Variants in TMEM164 observed in about 807,000 individuals in gnomAD.
The protein encoded by TMEM164 is transmembrane protein 164, also known as RP13-360B22.2.
In TMEM164, 4 loss-of-function variants were observed where a neutral mutation model predicts 18.8. The observed-to-expected ratio is 0.21, with a 90% confidence interval of 0.10 to 0.49. The LOEUF (loss-of-function observed/expected upper bound fraction) is 0.49, where lower values mean the gene tolerates loss of function less well. Among genes scored for constraint, TMEM164 ranks in the 20% least tolerant of loss-of-function variants. TMEM164 has a pLI of 0.98. For missense variants in TMEM164, 108 were observed against 239.9 expected, an observed-to-expected ratio of 0.45 and a Z score of 3.63; for synonymous variants, 86 against 101.7, an observed-to-expected ratio of 0.85 and a Z score of 0.93.
At chrX:110,054,350 A>G (rs751796761) in intron 2 of TMEM164, among the ~76,000 whole-genome samples, 2 of 112,354 alleles carry the variant, frequency 1.8e-5, no homozygotes, top group South Asian at 7.4e-4. Flanking sequence ...ATAAGTGATT[A>G]GTGTATAAGT....
At chrX:110,006,139 T>C (rs913883147) in intron 2 of TMEM164, among the ~76,000 whole-genome samples, 1 of 111,734 alleles carries the variant, frequency 8.9e-6, no homozygotes, top group African/African-American at 3.3e-5. Context: ...TGACAGTCTA[T>C]GTGATTCTTG....
intron 4 of TMEM164, among the ~76,000 whole-genome samples, chrX:110,117,874 A>G (rs1317228196): frequency 8.9e-6 from 1 of 111,894 alleles, no homozygotes; most frequent in African/African-American, 3.3e-5. Context: ...TTTGGGTTCC[A>G]GCTTCTTACA....
intron 5 of TMEM164, among the ~76,000 whole-genome samples, chrX:110,160,768 T>A (rs1412498711): frequency 8.9e-6 from 1 of 111,842 alleles, no homozygotes. Flanking sequence ...TGAGACAGAG[T>A]CTTGCTCCGT....
chrX:110,143,804 GGTGTGTGT>G (rs759024255), intron 4 of TMEM164, among the ~76,000 whole-genome samples: 3 of 103,051 alleles, frequency 2.9e-5, no homozygotes, highest in Admixed American at 1.0e-4. Flanking sequence ...CATACTTTGG[GGTGTGTGT>G]GTGTGTGTGT....
chrX:110,112,814 A>G (rs1029931962), intron 4 of TMEM164, among the ~76,000 whole-genome samples: 7 of 111,493 alleles, frequency 6.3e-5, no homozygotes, highest in Non-Finnish European at 1.3e-4. Context: ...TTATAAGGAC[A>G]CACATCTGAT....
At chrX:110,030,399 C>T (rs1328811673) in intron 2 of TMEM164, among the ~76,000 whole-genome samples, 24 of 107,512 alleles carry the variant, frequency 2.2e-4, no homozygotes, top group Non-Finnish European at 4.2e-4. Context: ...GGATTATGGG[C>T]ATGAGCCATC....
In TMEM164 at chrX:110,155,620, G is replaced by A. The variant is rs138657654; in HGVS notation, c.586+10744G>A. ...ACCCCTGTCCGACTGTGGGCTCTCA[G>A]CCTCTGTTACCAGGACTACTTTGCT... On this transcript the variant is annotated intron_variant, in intron 5 of 6. Coordinates refer to ENST00000372068, the MANE Select transcript of TMEM164 (RefSeq NM_032227.4). Among the ~76,000 whole-genome samples the A allele has an allele frequency of 3.5e-3, 384 of 111,206 alleles. 2 individuals are homozygous for A. Among genetic ancestry groups the A allele is most frequent in the African/African-American group, 0.011 (343 of 30,573 alleles).
At chrX:110,122,221 T>C (rs1256755845) in intron 4 of TMEM164, among the ~76,000 whole-genome samples, 1 of 108,681 alleles carries the variant, frequency 9.2e-6, no homozygotes, top group East Asian at 2.9e-4. Flanking sequence ...GTGGCACATA[T>C]ACACCATGGA....
intron 5 of TMEM164, among the ~76,000 whole-genome samples, chrX:110,154,099 T>C (rs2066983868): frequency 8.9e-6 from 1 of 111,974 alleles, no homozygotes; most frequent in South Asian, 3.7e-4. Flanking sequence ...GGAATGTAGA[T>C]AACAAACCAC....
In TMEM164 at chrX:110,044,673, A is replaced by G. The variant is rs767797483; in HGVS notation, c.391-22674A>G. 3.6e-4 allele frequency among the ~76,000 whole-genome samples: 33 copies of G among 91,768 alleles called. 1 individual carries two copies. The highest frequency in any genetic ancestry group is 5.8e-4 in the Non-Finnish European group (28 of 48,533). 79.7% of individuals were successfully genotyped at this position (91,768 alleles called of 115,157 possible). A position where few individuals can be genotyped will look rare whatever the true frequency, so the allele number is the denominator to read the frequency against. On this transcript the variant is annotated intron_variant, in intron 2 of 6. Transcript: ENST00000372068. ...ACTATATTGCCCAGGCTATTTTGGA[A>G]CTCCTGGGCTCACATGATCGTCCTG...
intron 2 of TMEM164, among the ~76,000 whole-genome samples, chrX:110,046,840 G>T (rs753169047): frequency 8.0e-5 from 9 of 112,073 alleles, no homozygotes; most frequent in African/African-American, 2.6e-4. Context: ...ATCCACAATA[G>T]CATTTCTCAA....
chrX:110,104,347 G>A (rs188865245), intron 3 of TMEM164, among the ~76,000 whole-genome samples: 2 of 111,641 alleles, frequency 1.8e-5, no homozygotes, highest in African/African-American at 3.3e-5. Flanking sequence ...GATCATCTCC[G>A]AATGGGCTGT....
chrX:110,143,819 G>C (rs1427365784), intron 4 of TMEM164, among the ~76,000 whole-genome samples: 1 of 110,535 alleles, frequency 9.0e-6, no homozygotes, highest in Non-Finnish European at 1.9e-5. Flanking sequence ...GTGTGTGTGT[G>C]TGTGTGTGTG....
intron 2 of TMEM164, among the ~76,000 whole-genome samples, chrX:110,038,970 G>T (rs1220442150): frequency 8.9e-6 from 1 of 111,881 alleles, no homozygotes; most frequent in Non-Finnish European, 1.9e-5. Flanking sequence ...TAGTTTAAGG[G>T]TTGAGGCATG....
intron 2 of TMEM164, among the ~76,000 whole-genome samples, chrX:110,050,333 C>A (rs1247332158): frequency 8.9e-6 from 1 of 111,813 alleles, no homozygotes; most frequent in African/African-American, 3.3e-5. Context: ...CTGGAGTGAA[C>A]CAAATGTGGA....
At chrX:110,136,210 G>C (rs913842980) in intron 4 of TMEM164, among the ~76,000 whole-genome samples, 4 of 111,273 alleles carry the variant, frequency 3.6e-5, no homozygotes, top group Admixed American at 1.9e-4. Flanking sequence ...ATTTTTAATG[G>C]CAATGTGGTA....
At chrX:110,032,853 G>A (rs1934579920) in intron 2 of TMEM164, among the ~76,000 whole-genome samples, 1 of 111,949 alleles carries the variant, frequency 8.9e-6, no homozygotes, top group Non-Finnish European at 1.9e-5. Flanking sequence ...TAAAAGCCAG[G>A]CAGCTAAATT....
intron 4 of TMEM164, among the ~76,000 whole-genome samples, chrX:110,131,363 G>C (rs1259082036): frequency 2.7e-5 from 3 of 111,461 alleles, no homozygotes; most frequent in African/African-American, 9.8e-5. Context: ...CTGATGCTCA[G>C]GTCTTTTAAA....
intron 4 of TMEM164, among the ~76,000 whole-genome samples, chrX:110,136,876 A>G (rs1340017144): frequency 9.0e-6 from 1 of 111,241 alleles, no homozygotes; most frequent in African/African-American, 3.3e-5. Context: ...CCTGTTCTTA[A>G]CAGTTATTTC....
Sources: allele counts gnomAD v4.1 joint callset (sites outside exome capture counted in the v4.1 genomes callset), GRCh38; gene constraint gnomAD v4.1.1; transcripts MANE v1.5; gene names NCBI Gene and HGNC (gene_info 2026-07-23, HGNC 2026-07-21).